ABAT: variants seen among roughly 807,000 people sequenced by gnomAD.
ABAT encodes the protein 4-aminobutyrate aminotransferase, mitochondrial.
A neutral mutation model predicts 64.6 loss-of-function variants in ABAT; 45 were observed. The observed-to-expected ratio is 0.70, with a 90% CI of 0.55 to 0.89. The LOEUF (loss-of-function observed/expected upper bound fraction) is 0.89, where lower values mean the gene tolerates loss of function less well. ABAT is among the 40% of genes least tolerant of loss of function. The pLI is 0.00. For synonymous variants in ABAT, 297 were observed against 250.5 expected (o/e 1.19, Z -1.75); for missense variants, 633 against 658.4 (o/e 0.96, Z 0.42).
intron 9 of ABAT, among the ~76,000 whole-genome samples, chr16:8,767,079 A>T (rs183923190): frequency 6.3e-4 from 96 of 152,348 alleles, no homozygotes; most frequent in African/African-American, 2.2e-3. Flanking sequence ...CCAGCCTGAG[A>T]CAATGCCAAC....
chr16:8,748,893 T>C (rs1019544443), intron 4 of ABAT, among the ~76,000 whole-genome samples: 1 of 152,178 alleles, frequency 6.6e-6, no homozygotes, highest in African/African-American at 2.4e-5. Flanking sequence ...ACTTTCAAAC[T>C]ATTTGTGTTC....
chr16:8,717,028 G>C (rs763244281), intron 1 of ABAT, among the ~76,000 whole-genome samples: 6 of 152,176 alleles, frequency 3.9e-5, no homozygotes, highest in Non-Finnish European at 8.8e-5. Flanking sequence ...GGTAGCTCGC[G>C]TCTGTAATCC....
intron 14 of ABAT, 74 bp from the exon 15 acceptor site, chr16:8,779,405 G>A (rs951806601): frequency 2.1e-5 from 28 of 1,322,670 alleles, no homozygotes; most frequent in South Asian, 1.1e-4. Context: ...GGCCTTTGAC[G>A]AAGCACAGCC....
intron 1 of ABAT, among the ~76,000 whole-genome samples, chr16:8,733,727 A>G (rs2058828265): frequency 6.6e-6 from 1 of 151,826 alleles, no homozygotes; most frequent in Admixed American, 6.6e-5. Flanking sequence ...AGGCTGAGGC[A>G]GGAGAATCAG....
At chr16:8,679,206 A>G (rs564358215) in intron 1 of ABAT, among the ~76,000 whole-genome samples, 2 of 152,332 alleles carry the variant, frequency 1.3e-5, no homozygotes, top group East Asian at 3.9e-4. Context: ...ATAAAAATTA[A>G]AATGAATAGA....
At chr16:8,773,050 T>C in intron 12 of ABAT, 133 bp downstream of exon 12, 1 of 1,250,984 alleles carries the variant, frequency 8.0e-7, no homozygotes, top group Non-Finnish European at 1.1e-6. Context: ...TCTGTCAGCA[T>C]CAGGGGTGGA....
At chr16:8,769,004 A>C in intron 11 of ABAT, 31 bp downstream of exon 11, 1 of 1,613,644 alleles carries the variant, frequency 6.2e-7, no homozygotes. Flanking sequence ...ATCCTCCCCA[A>C]CCACCAGTCC....
chr16:8,724,507 G>A (rs2058476480), intron 1 of ABAT, among the ~76,000 whole-genome samples: 1 of 152,098 alleles, frequency 6.6e-6, no homozygotes, highest in Non-Finnish European at 1.5e-5. Context: ...CAAGGTGGGA[G>A]GACTGCTTGA....
intron 1 of ABAT, among the ~76,000 whole-genome samples, chr16:8,706,209 C>A (rs2057937517): frequency 6.7e-6 from 1 of 149,860 alleles, no homozygotes. Context: ...GTCTGGGCAA[C>A]ATGATGAAAC....
chr16:8,750,943 CTTTTTTTTTTTT>C (rs71301327), intron 5 of ABAT, among the ~76,000 whole-genome samples: 1 of 109,742 alleles, frequency 9.1e-6, no homozygotes, highest in African/African-American at 3.6e-5. Context: ...TTTTTCCCTG[CTTTTTTTTTTTT>C]TTTTTTTTTT....
intron 6 of ABAT, 103 bp downstream of exon 6, chr16:8,757,909 T>C (rs1398398873): frequency 2.3e-6 from 3 of 1,312,662 alleles, no homozygotes; most frequent in Non-Finnish European, 3.3e-6. Context: ...ATTCATTCAT[T>C]CCATAAATAT....
intron 5 of ABAT, chr16:8,757,380 C>G (rs2059677932): frequency 2.8e-6 from 1 of 358,182 alleles, no homozygotes; most frequent in Non-Finnish European, 5.4e-6. Context: ...GTTGGCCAGG[C>G]TGGTCTGGAA....
At chr16:8,772,690 G>A (rs2060147945) in intron 11 of ABAT, 90 bp from the exon 12 acceptor site, 2 of 1,541,888 alleles carry the variant, frequency 1.3e-6, no homozygotes, top group African/African-American at 2.7e-5. Context: ...CAATAAAATT[G>A]CATGGGGCTC....
intron 5 of ABAT, among the ~76,000 whole-genome samples, chr16:8,752,086 C>G (rs1248637273): frequency 6.6e-6 from 1 of 152,238 alleles, no homozygotes; most frequent in African/African-American, 2.4e-5. Context: ...GCTCAGAAGC[C>G]TGGAGCCTTT....
intron 1 of ABAT, among the ~76,000 whole-genome samples, chr16:8,733,895 C>G (rs957687113): frequency 4.6e-5 from 7 of 152,208 alleles, no homozygotes; most frequent in Non-Finnish European, 1.0e-4. Context: ...CAGTATCTGA[C>G]CTTTGGTGAC....
At chr16:8,743,450 C>T (rs1484441177) in intron 2 of ABAT, among the ~76,000 whole-genome samples, 8 of 69,184 alleles carry the variant, frequency 1.2e-4, no homozygotes, top group African/African-American at 6.4e-4. Context: ...TATATACACA[C>T]ATTTTATAAT....
intron 1 of ABAT, among the ~76,000 whole-genome samples, chr16:8,692,817 A>G (rs1056160342): frequency 6.6e-6 from 1 of 152,210 alleles, no homozygotes; most frequent in African/African-American, 2.4e-5. Context: ...ACATTTAAGG[A>G]GAACTTTGCT....
intron 5 of ABAT, among the ~76,000 whole-genome samples, chr16:8,752,226 T>C (rs2059509311): frequency 1.3e-5 from 2 of 152,210 alleles, no homozygotes; most frequent in Non-Finnish European, 2.9e-5. Context: ...AAGTCCATCA[T>C]TCAGGAATGC....
intron 1 of ABAT, among the ~76,000 whole-genome samples, chr16:8,688,931 T>G (rs2057518220): frequency 6.6e-6 from 1 of 152,076 alleles, no homozygotes; most frequent in Non-Finnish European, 1.5e-5. Flanking sequence ...CACAAAAAAA[T>G]TAGCCGGGCG....
Sources: allele counts gnomAD v4.1 joint callset (sites outside exome capture counted in the v4.1 genomes callset), GRCh38; gene constraint gnomAD v4.1.1; transcripts MANE v1.5; gene names NCBI Gene and HGNC (gene_info 2026-07-23, HGNC 2026-07-21).